Variants in JMJD1C observed in about 807,000 individuals in gnomAD.
The protein encoded by JMJD1C is jumonji domain containing 1C.
JMJD1C carries 31 observed loss-of-function variants against 245.3 expected under a neutral mutation model. The observed-to-expected ratio is 0.13, with a 90% CI of 0.09 to 0.17. JMJD1C has a LOEUF of 0.17. Ranked by LOEUF, JMJD1C falls within the 10% of genes least tolerant of loss-of-function variation. The probability of loss-of-function intolerance (pLI) is 1.00; values close to 1 mark genes in which losing one functional copy is unlikely to be tolerated. For synonymous variants in JMJD1C, 1,057 were observed against 1,017.4 expected (o/e 1.04, Z -0.74); for missense variants, 2,691 against 3,000.2 (o/e 0.90, Z 2.41).
intron 1 of JMJD1C, among the ~76,000 whole-genome samples, chr10:63,477,208 AT>A (rs1372476558): frequency 6.6e-6 from 1 of 152,190 alleles, no homozygotes; most frequent in Non-Finnish European, 1.5e-5. Flanking sequence ...AAATGATGGT[AT>A]TAATTTTTTT....
intron 1 of JMJD1C, among the ~76,000 whole-genome samples, chr10:63,413,460 T>C (rs771276832): frequency 2.0e-5 from 3 of 152,166 alleles, no homozygotes; most frequent in Non-Finnish European, 4.4e-5. Context: ...AATTACAAAA[T>C]AGAGACATAA....
At chr10:63,191,171 G>T in intron 16 of JMJD1C, 63 bp from the exon 17 acceptor site, 1 of 1,366,972 alleles carries the variant, frequency 7.3e-7, no homozygotes, top group Non-Finnish European at 1.0e-6. Context: ...TCATTCTGTC[G>T]CCCAGGCTGG....
intron 3 of JMJD1C, among the ~76,000 whole-genome samples, chr10:63,254,697 G>GT (rs989362596): frequency 1.1e-5 from 1 of 90,542 alleles, no homozygotes; most frequent in Admixed American, 9.2e-5. Context: ...TCCCGCAAAA[G>GT]TTTTTTTTGT....
At chr10:63,425,201 AATAAT>A (rs1175524293) in intron 1 of JMJD1C, among the ~76,000 whole-genome samples, 3 of 152,206 alleles carry the variant, frequency 2.0e-5, no homozygotes, top group South Asian at 4.1e-4. Flanking sequence ...AACAACTGCA[AATAAT>A]ATATTTCCTT....
chr10:63,483,506 T>C (rs1038663509), intron 1 of JMJD1C, among the ~76,000 whole-genome samples: 1 of 152,222 alleles, frequency 6.6e-6, no homozygotes, highest in Non-Finnish European at 1.5e-5. Context: ...TCACCCTCCA[T>C]GTGACAACCA....
At chr10:63,426,351 T>C (rs1456460436) in intron 1 of JMJD1C, among the ~76,000 whole-genome samples, 1 of 151,698 alleles carries the variant, frequency 6.6e-6, no homozygotes, top group Non-Finnish European at 1.5e-5. Flanking sequence ...AGCAAAACCC[T>C]ATCTATTAAA....
intron 11 of JMJD1C, 96 bp from the exon 12 acceptor site, chr10:63,198,823 T>C: frequency 3.2e-6 from 2 of 618,084 alleles, no homozygotes; most frequent in Non-Finnish European, 5.3e-6. Flanking sequence ...TTACATTGCA[T>C]TATAAAATAT....
At chr10:63,387,495 G>A (rs968765570) in intron 1 of JMJD1C, among the ~76,000 whole-genome samples, 8 of 151,400 alleles carry the variant, frequency 5.3e-5, no homozygotes, top group Non-Finnish European at 5.9e-5. Context: ...AAACAAATTC[G>A]GGACCTGATG....
chr10:63,339,125 C>A (rs1351955798), intron 2 of JMJD1C, among the ~76,000 whole-genome samples: 1 of 152,198 alleles, frequency 6.6e-6, no homozygotes, highest in Non-Finnish European at 1.5e-5. Flanking sequence ...ACTTTACCAC[C>A]TGCCTAACAG....
chr10:63,456,527 C>T (rs1303495867), intron 1 of JMJD1C, among the ~76,000 whole-genome samples: 2 of 152,064 alleles, frequency 1.3e-5, no homozygotes, highest in South Asian at 2.1e-4. Flanking sequence ...TCCTCTGAGC[C>T]TAAAGATTTT....
At chr10:63,347,088 T>G (rs1172949998) in intron 2 of JMJD1C, among the ~76,000 whole-genome samples, 26 of 73,518 alleles carry the variant, frequency 3.5e-4, no homozygotes, top group Middle Eastern at 0.014. Flanking sequence ...TTTTTTTTTT[T>G]GAGACAGAGT....
At chr10:63,495,931 T>G (rs1237157393) in intron 1 of JMJD1C, among the ~76,000 whole-genome samples, 2 of 151,430 alleles carry the variant, frequency 1.3e-5, no homozygotes, top group Non-Finnish European at 2.9e-5. Flanking sequence ...GATATCAACA[T>G]CTTTCAACCC....
chr10:63,480,142 A>G (rs1953785633), intron 1 of JMJD1C, among the ~76,000 whole-genome samples: 1 of 152,144 alleles, frequency 6.6e-6, no homozygotes, highest in African/African-American at 2.4e-5. Context: ...AGAGTTTGTC[A>G]AATGAGACAA....
At chr10:63,328,365 G>T (rs190622399) in intron 2 of JMJD1C, among the ~76,000 whole-genome samples, 42 of 152,112 alleles carry the variant, frequency 2.8e-4, no homozygotes, top group African/African-American at 9.6e-4. Flanking sequence ...AGGATTAGGG[G>T]AAAAAGCTGG....
In JMJD1C at chr10:63,213,615, G is replaced by A. The variant is rs2133212978; in HGVS notation, c.2552C>T (p.Ser851Phe). The A allele has an allele frequency of 6.2e-7, 1 of 1,614,200 alleles. No homozygotes were observed. Among genetic ancestry groups the A allele is most frequent in the East Asian group, 2.2e-5 (1 of 44,880 alleles). ...SPHLLGQAHP[S>F]ASYNQLGLYP... ...AAGTCCAAGCTGATTATATGAAGCAGAAGGATGGGCTTGTCCAAGAAGATG... is the reference window on the plus strand; with the variant it reads ...AAGTCCAAGCTGATTATATGAAGCAAAAGGATGGGCTTGTCCAAGAAGATG... The change falls in exon 8 of 26, where the codon TCT becomes TTT. Residue 851 changes from serine (S) to phenylalanine (F), a missense_variant. Around this residue, in one of 9 missense-constraint regions of JMJD1C, gnomAD observed 1,562 missense variants for 1,490.7 expected, o/e 1.05. Coordinates refer to ENST00000399262, the MANE Select transcript of JMJD1C (RefSeq NM_032776.3).
intron 1 of JMJD1C, among the ~76,000 whole-genome samples, chr10:63,435,650 A>AG (rs1249816224): frequency 6.6e-6 from 1 of 152,200 alleles, no homozygotes. Context: ...CTGTAATCCC[A>AG]GCACTTTGGG....
At chr10:63,466,130 C>A (rs1391540585), upstream of JMJD1C, 2 of 181,478 alleles carry the variant, frequency 1.1e-5, no homozygotes, top group South Asian at 1.1e-4. Flanking sequence ...TGGGTCCGTC[C>A]AGATCCAGAG....
In JMJD1C at chr10:63,465,592, C is replaced by G. The variant is rs1020421317; in HGVS notation, c.71G>C (p.Arg24Pro). The change falls in exon 1 of 26, where the codon CGT (arginine) becomes CCT (proline). Residue 24 changes from arginine to proline, a missense_variant. By Grantham distance (103) the Arg-to-Pro change is moderately radical. Around this residue, in one of 9 missense-constraint regions of JMJD1C, gnomAD observed 135 missense variants for 115.5 expected, o/e 1.17. Coordinates refer to ENST00000399262, the MANE Select transcript of JMJD1C (RefSeq NM_032776.3). ...GCGTCCGCTCTCCCAGCGCTCCGAA[C>G]GTGCCTCGTCGCCGACCGCCACACA... is the stretch of plus-strand genomic sequence containing the variant. ...FLCVAVGDEA[R>P]SERWESGRGW... 14 of 1,609,512 alleles carry G rather than the reference C, an allele frequency of 8.7e-6. No individual in the cohort carries two copies. The highest frequency in any genetic ancestry group is 4.0e-5 in the African/African-American group (3 of 74,920).
In JMJD1C at chr10:63,465,567, G is replaced by T; in HGVS notation, c.96C>A (p.Arg32=). 1 of 1,607,602 alleles carries T rather than the reference G, an allele frequency of 6.2e-7. No individual in the cohort carries two copies. The part of the protein sequence containing the change: ...EARSERWESG[R]GWRSWRAGVI... ...CCCCCGCTCGCCAGCTTCGCCAGCCGCGTCCGCTCTCCCAGCGCTCCGAAC... is the reference window on the plus strand; with the variant it reads ...CCCCCGCTCGCCAGCTTCGCCAGCCTCGTCCGCTCTCCCAGCGCTCCGAAC... Residue 32 remains arginine, a synonymous_variant, in exon 1 of 26, where the codon CGC becomes CGA. Transcript: ENST00000399262.
Sources: allele counts gnomAD v4.1 joint callset (sites outside exome capture counted in the v4.1 genomes callset), GRCh38; gene constraint gnomAD v4.1.1; regional missense constraint gnomAD v4.1.1; transcripts MANE v1.5; gene names NCBI Gene and HGNC (gene_info 2026-07-23, HGNC 2026-07-21).